Variants in PDE10A observed in about 807,000 individuals in gnomAD.
PDE10A encodes phosphodiesterase 10A.
A neutral mutation model predicts 97.7 loss-of-function variants in PDE10A; 39 were observed. The ratio of observed to expected loss-of-function variants is 0.40; its 90% CI spans 0.31 to 0.52. PDE10A has a LOEUF of 0.52. PDE10A is among the 20% of genes least tolerant of loss of function. PDE10A has a pLI of 0.56. For missense variants in PDE10A, 731 were observed against 1,047.8 expected, an observed-to-expected ratio of 0.70 and a Z score of 4.17; for synonymous variants, 371 against 376.8, an observed-to-expected ratio of 0.98 and a Z score of 0.18.
intron 18 of PDE10A, among the ~76,000 whole-genome samples, chr6:165,364,297 A>G (rs923493619): frequency 2.0e-5 from 3 of 152,092 alleles, no homozygotes; most frequent in Admixed American, 2.0e-4. Context: ...CATAATAGAA[A>G]CCTCAGAGAG....
intron 1 of PDE10A, among the ~76,000 whole-genome samples, chr6:165,806,784 A>G (rs1779155093): frequency 6.6e-6 from 1 of 152,150 alleles, no homozygotes; most frequent in Non-Finnish European, 1.5e-5. Flanking sequence ...AGGACCTCAC[A>G]CACTGAGGAG....
At chr6:165,357,395 G>A (rs997758046) in intron 18 of PDE10A, among the ~76,000 whole-genome samples, 1 of 152,100 alleles carries the variant, frequency 6.6e-6, no homozygotes, top group African/African-American at 2.4e-5. Context: ...TGGAAATCAG[G>A]ATTATTTAGC....
chr6:165,563,122 G>C (rs1016774638), intron 1 of PDE10A, among the ~76,000 whole-genome samples: 1 of 149,852 alleles, frequency 6.7e-6, no homozygotes, highest in East Asian at 2.0e-4. Context: ...ATAAAAGTAT[G>C]GCATATAAGT....
At chr6:165,773,948 C>A (rs1193510702) in intron 1 of PDE10A, among the ~76,000 whole-genome samples, 1 of 149,296 alleles carries the variant, frequency 6.7e-6, no homozygotes, top group African/African-American at 2.5e-5. Flanking sequence ...TTTTTTTTTT[C>A]TAAAGCTGAG....
At chr6:165,492,969 G>A (rs572843729) in intron 2 of PDE10A, among the ~76,000 whole-genome samples, 2 of 152,170 alleles carry the variant, frequency 1.3e-5, no homozygotes, top group African/African-American at 4.8e-5. Flanking sequence ...CCTAAAACTG[G>A]TAAACGAATT....
chr6:165,442,399 TTTAA>T (rs532121705), intron 5 of PDE10A, among the ~76,000 whole-genome samples: 1 of 151,866 alleles, frequency 6.6e-6, no homozygotes, highest in Non-Finnish European at 1.5e-5. Context: ...CGGTGTTTGG[TTTAA>T]TTGACTCACA....
intron 2 of PDE10A, among the ~76,000 whole-genome samples, chr6:165,510,041 C>G (rs767885254): frequency 2.6e-5 from 4 of 152,014 alleles, no homozygotes; most frequent in Non-Finnish European, 2.9e-5. Context: ...CTGACTTTCT[C>G]TTTTCCAACT....
chr6:165,553,991 C>T (rs915427241), intron 1 of PDE10A, among the ~76,000 whole-genome samples: 2 of 152,098 alleles, frequency 1.3e-5, no homozygotes, highest in African/African-American at 4.8e-5. Context: ...GGATTTAATG[C>T]TCCATCTCTT....
At chr6:165,530,274 T>G (rs1782693998) in intron 2 of PDE10A, among the ~76,000 whole-genome samples, 1 of 18,908 alleles carries the variant, frequency 5.3e-5, no homozygotes, top group South Asian at 4.9e-3. Context: ...TATATATGTG[T>G]GTGTGTGTGT....
intron 1 of PDE10A, among the ~76,000 whole-genome samples, chr6:165,727,810 T>G (rs1792336301): frequency 6.6e-6 from 1 of 152,218 alleles, no homozygotes; most frequent in African/African-American, 2.4e-5. Context: ...CAAAGAACAA[T>G]GAAGACATTT....
At chr6:165,371,827 A>G (rs1784272653) in intron 18 of PDE10A, among the ~76,000 whole-genome samples, 1 of 152,194 alleles carries the variant, frequency 6.6e-6, no homozygotes, top group Admixed American at 6.5e-5. Flanking sequence ...AAAAATCCTC[A>G]ATAAAATACT....
chr6:165,749,271 ATCACCATTACCATCAT>A (rs1792923034), intron 1 of PDE10A, among the ~76,000 whole-genome samples: 1 of 143,066 alleles, frequency 7.0e-6, no homozygotes, highest in Non-Finnish European at 1.5e-5. Context: ...TACCACCATC[ATCACCATTACCATCAT>A]CACCATCACC....
At chr6:165,567,343 G>A (rs1784824397) in intron 1 of PDE10A, among the ~76,000 whole-genome samples, 2 of 152,208 alleles carry the variant, frequency 1.3e-5, no homozygotes, top group Admixed American at 1.3e-4. Flanking sequence ...TTCAATCAAG[G>A]AAGCTAAGAT....
intron 2 of PDE10A, among the ~76,000 whole-genome samples, chr6:165,493,841 A>C (rs1485708903): frequency 6.6e-6 from 1 of 152,102 alleles, no homozygotes; most frequent in Non-Finnish European, 1.5e-5. Flanking sequence ...TTAAACTAAT[A>C]AGCTTCTGCA....
rs201339152 is a variant in PDE10A at position 165,400,238 on chromosome 6, G to GA, written c.2077-3780dup. 6.1e-3 allele frequency among the ~76,000 whole-genome samples: 887 copies of GA among 145,180 alleles called. 21 individuals are homozygous for GA. In the East Asian group the frequency reaches 0.065, roughly 11 times the overall value. ...AGAACCTAAAACTATAAAACTTCTA[G>GA]AAAAAAAAAACAGAGGAGAAATGTC... On this transcript the variant is annotated intron_variant, in intron 13 of 21. Coordinates refer to ENST00000539869, the MANE Select transcript of PDE10A (RefSeq NM_001385079.1).
At chr6:165,346,204 C>A (rs1267966050) in intron 18 of PDE10A, among the ~76,000 whole-genome samples, 2 of 152,086 alleles carry the variant, frequency 1.3e-5, no homozygotes. Flanking sequence ...ACTCATAGAC[C>A]TGTGAAGGGG....
At chr6:165,756,968 T>C (rs2128457132) in intron 1 of PDE10A, among the ~76,000 whole-genome samples, 1 of 118,004 alleles carries the variant, frequency 8.5e-6, no homozygotes, top group Non-Finnish European at 1.8e-5. Flanking sequence ...TCCATTAGGA[T>C]GCTATTTTTT....
At chr6:165,357,001 T>C (rs1449042038) in intron 18 of PDE10A, among the ~76,000 whole-genome samples, 3 of 152,170 alleles carry the variant, frequency 2.0e-5, no homozygotes, top group Non-Finnish European at 4.4e-5. Context: ...TGAACTATCA[T>C]CACGGGGGCT....
At chr6:165,454,274 T>C (rs1413790960) in intron 3 of PDE10A, among the ~76,000 whole-genome samples, 1 of 152,180 alleles carries the variant, frequency 6.6e-6, no homozygotes, top group African/African-American at 2.4e-5. Context: ...TCATACCTGA[T>C]TTAGATGAGA....
Sources: gnomAD v4.1 joint callset for allele counts (sites outside exome capture counted in the v4.1 genomes callset) on GRCh38, gnomAD v4.1.1 for gene constraint, MANE v1.5 for transcripts, NCBI Gene and HGNC (gene_info 2026-07-23, HGNC 2026-07-21) for gene names.